The following RSRC1 variants were observed in gnomAD, a reference collection of about 807,000 sequenced individuals.
The protein encoded by RSRC1 is arginine and serine rich coiled-coil 1.
In RSRC1, 39 loss-of-function variants were observed where a neutral mutation model predicts 49.1. The observed-to-expected ratio is 0.79, with a 90% CI of 0.61 to 1.04. The LOEUF is 1.04. Ranked by LOEUF, RSRC1 falls within the 50% of genes least tolerant of loss-of-function variation. RSRC1 has a pLI of 0.00. For missense variants in RSRC1, 388 were observed against 402.4 expected, an observed-to-expected ratio of 0.96 and a Z score of 0.31; for synonymous variants, 143 against 130.8, an observed-to-expected ratio of 1.09 and a Z score of -0.63.
chr3:158,156,419 T>C (rs7652909), intron 3 of RSRC1, among the ~76,000 whole-genome samples: 64,857 of 152,012 alleles, frequency 0.43, 14,138 homozygotes, highest in East Asian at 0.62. Flanking sequence ...CATTTTCTTA[T>C]CATTTATGTG....
chr3:158,475,606 T>C (rs193182962), intron 7 of RSRC1, among the ~76,000 whole-genome samples: 2 of 152,232 alleles, frequency 1.3e-5, no homozygotes, highest in East Asian at 3.9e-4. Flanking sequence ...ATCAGTGGTC[T>C]TGGATGTTAC....
chr3:158,533,235 A>G (rs925078387), intron 7 of RSRC1, among the ~76,000 whole-genome samples: 4 of 151,738 alleles, frequency 2.6e-5, no homozygotes, highest in African/African-American at 9.7e-5. Context: ...TTAATTTAAC[A>G]TGCGTTTACA....
Position 158,487,949 on chromosome 3 carries a change from G to GGAAAAA in RSRC1, c.652+26946_652+26947insGAAAAA, listed in dbSNP as rs1553814781. 7.6e-4 allele frequency among the ~76,000 whole-genome samples: 22 copies of GGAAAAA among 28,910 alleles called. 2 individuals are homozygous for GGAAAAA. Among genetic ancestry groups the GGAAAAA allele is most frequent in the African/African-American group, 2.1e-3 (16 of 7,474 alleles). The allele number at this position is 28,910 out of a possible 152,430, so 19.0% of individuals were successfully genotyped here. ...TAGGAGACAAGAGACTCCATCTCAA[G>GGAAAAA]AAAAAAAAAAAAAAAAAAAAAAAAA... On this transcript the variant is annotated intron_variant, in intron 7 of 9. Coordinates refer to ENST00000611884, the MANE Select transcript of RSRC1 (RefSeq NM_001271838.2).
At chr3:158,371,221 TTTC>T (rs1222110235) in intron 6 of RSRC1, among the ~76,000 whole-genome samples, 12 of 151,942 alleles carry the variant, frequency 7.9e-5, no homozygotes, top group African/African-American at 2.7e-4. Context: ...TCTTGCTTAT[TTTC>T]TTAACAATGT....
chr3:158,358,121 A>C (rs1731258533), intron 6 of RSRC1, among the ~76,000 whole-genome samples: 1 of 152,238 alleles, frequency 6.6e-6, no homozygotes, highest in African/African-American at 2.4e-5. Context: ...GATTTAAAAA[A>C]ATGTACCTAT....
At chr3:158,247,539 G>T (rs983439636) in intron 4 of RSRC1, among the ~76,000 whole-genome samples, 1 of 152,040 alleles carries the variant, frequency 6.6e-6, no homozygotes, top group African/African-American at 2.4e-5. Context: ...ATCTACCTTC[G>T]ATTTTTGAGG....
chr3:158,275,985 A>C (rs1725787216), intron 4 of RSRC1: 2 of 792,160 alleles, frequency 2.5e-6, no homozygotes, highest in Admixed American at 3.5e-5. Context: ...CATGGGTGTC[A>C]GGATTTCTTC....
chr3:158,528,014 CA>C (rs1173064709), intron 7 of RSRC1, among the ~76,000 whole-genome samples: 1 of 151,254 alleles, frequency 6.6e-6, no homozygotes. Context: ...TTATTTTAGA[CA>C]CATTTGACTA....
chr3:158,236,972 C>T lies in RSRC1; in HGVS notation c.494+33727C>T, dbSNP rs1186139106. Among the ~76,000 whole-genome samples the T allele has an allele frequency of 4.6e-5, 7 of 152,030 alleles. No individual in the cohort carries two copies. The East Asian group carries it at 1.4e-3, about 29-fold the overall frequency. On this transcript the variant is annotated intron_variant, in intron 4 of 9. Coordinates refer to ENST00000611884, the MANE Select transcript of RSRC1 (RefSeq NM_001271838.2). ...TTAGAATTGCAGCAGGTTTCAGAAG[C>T]CATTAGATAAAACTGGTTTTAGGTT...
intron 5 of RSRC1, among the ~76,000 whole-genome samples, chr3:158,328,426 T>A (rs1475712488): frequency 7.3e-6 from 1 of 136,204 alleles, no homozygotes; most frequent in Non-Finnish European, 1.7e-5. Context: ...AGGGCAGGCC[T>A]GGTGGTGACA....
intron 5 of RSRC1, among the ~76,000 whole-genome samples, chr3:158,321,397 A>AT (rs1156452397): frequency 1.3e-5 from 2 of 151,638 alleles, no homozygotes; most frequent in African/African-American, 4.8e-5. Context: ...TTTGATGTAT[A>AT]TTCTAAAACA....
intron 3 of RSRC1, among the ~76,000 whole-genome samples, chr3:158,163,981 T>C (rs1718390966): frequency 6.6e-6 from 1 of 152,158 alleles, no homozygotes; most frequent in Admixed American, 6.5e-5. Flanking sequence ...TAACAAATTT[T>C]ATTGAATCTG....
chr3:158,539,759 G>GTAA lies in RSRC1; in HGVS notation c.759+2562_759+2563insAAT, dbSNP rs2108507660. Among the ~76,000 whole-genome samples the GTAA allele has an allele frequency of 6.6e-6, 1 of 152,112 alleles. No homozygotes were observed. The highest frequency in any genetic ancestry group is 6.5e-5 in the Admixed American group (1 of 15,268). On this transcript the variant is annotated intron_variant, in intron 8 of 9. Transcript: ENST00000611884. This position sits in a 1 kb window ranked among gnomAD's most constrained non-coding sequence, Gnocchi z 4.1. ...TCTCTCTACAAATTTTTAATTGCCC[G>GTAA]TTATTAAACAATAACTTCCATGCTC...
intron 3 of RSRC1, among the ~76,000 whole-genome samples, chr3:158,187,844 G>A (rs761001676): frequency 3.9e-5 from 6 of 151,912 alleles, no homozygotes; most frequent in African/African-American, 4.8e-5. Context: ...AGGTAATTTC[G>A]TGTAGGCTTA....
chr3:158,447,779 A>T (rs967401699), intron 6 of RSRC1, among the ~76,000 whole-genome samples: 2 of 151,914 alleles, frequency 1.3e-5, no homozygotes, highest in African/African-American at 4.8e-5. Flanking sequence ...AAGAAAAGAA[A>T]CACCCTTTTT....
chr3:158,359,848 G>C (rs960958431), intron 6 of RSRC1, among the ~76,000 whole-genome samples: 1 of 152,208 alleles, frequency 6.6e-6, no homozygotes, highest in Non-Finnish European at 1.5e-5. Flanking sequence ...ACACAGACAA[G>C]TGGAGGGTGA....
chr3:158,115,217 T>C (rs2108151708), intron 1 of RSRC1, among the ~76,000 whole-genome samples: 1 of 152,326 alleles, frequency 6.6e-6, no homozygotes, highest in East Asian at 1.9e-4. Context: ...TTAAATGTAA[T>C]CAACCAGCCT....
At chr3:158,222,802 G>A (rs976050736) in intron 4 of RSRC1, among the ~76,000 whole-genome samples, 30 of 151,496 alleles carry the variant, frequency 2.0e-4, no homozygotes, top group Non-Finnish European at 4.3e-4. Context: ...TCTGAATCCC[G>A]TTACCTTTTC....
chr3:158,389,505 G>A (rs928978276), intron 6 of RSRC1, among the ~76,000 whole-genome samples: 1 of 152,114 alleles, frequency 6.6e-6, no homozygotes, highest in Non-Finnish European at 1.5e-5. Flanking sequence ...AGAGATCAGT[G>A]CAGATTAATA....
Sources: allele counts gnomAD v4.1 joint callset (sites outside exome capture counted in the v4.1 genomes callset), GRCh38; gene constraint gnomAD v4.1.1; non-coding constraint Gnocchi (gnomAD v3.1); transcripts MANE v1.5; gene names NCBI Gene and HGNC (gene_info 2026-07-23, HGNC 2026-07-21).